Variants in BMPER observed in about 807,000 individuals in gnomAD.
BMPER encodes the protein BMP-binding endothelial regulator protein.
BMPER carries 45 observed loss-of-function variants against 87.3 expected under a neutral mutation model. The ratio of observed to expected loss-of-function variants is 0.52; its 90% confidence interval spans 0.41 to 0.66. The LOEUF is 0.66. Among genes scored for constraint, BMPER ranks in the 30% least tolerant of loss-of-function variants. The pLI is 0.00. For missense variants in BMPER, 784 were observed against 867.5 expected, an observed-to-expected ratio of 0.90 and a Z score of 1.21; for synonymous variants, 326 against 316.2, an observed-to-expected ratio of 1.03 and a Z score of -0.33.
rs1019720326 is a variant in BMPER, at chr7:34,153,840, A to G, written c.*567A>G. ...AGCGAGTGATAGGCTGTTAGAATGT[A>G]TTAGGTCATGGGCTAACATTATTTC... On this transcript the variant is annotated 3_prime_UTR_variant, in exon 15 of 15. Coordinates refer to ENST00000649409, the MANE Select transcript of BMPER (RefSeq NM_001365308.1). 6 of 159,716 alleles carry G rather than the reference A, an allele frequency of 3.8e-5. No homozygotes were observed. The highest frequency in any genetic ancestry group is 1.4e-4 in the African/African-American group (6 of 41,466). The allele number at this position is 159,716 out of a possible 1,614,324, so 9.9% of individuals were successfully genotyped here.
At chr7:34,053,396 T>C (rs983723654) in intron 8 of BMPER, among the ~76,000 whole-genome samples, 1 of 152,142 alleles carries the variant, frequency 6.6e-6, no homozygotes, top group Non-Finnish European at 1.5e-5. Flanking sequence ...ACCTGTTGAA[T>C]GTGATTTAAT....
chr7:34,015,375 C>A (rs896213021), intron 6 of BMPER, among the ~76,000 whole-genome samples: 1 of 151,832 alleles, frequency 6.6e-6, no homozygotes, highest in Admixed American at 6.6e-5. Flanking sequence ...TAACCTAATA[C>A]GAAGTAAAAT....
intron 13 of BMPER, among the ~76,000 whole-genome samples, chr7:34,122,162 T>C (rs1023105818): frequency 2.0e-5 from 3 of 152,062 alleles, no homozygotes; most frequent in Non-Finnish European, 4.4e-5. Flanking sequence ...TCTCAAAGCT[T>C]GTACACAAAG....
At chr7:33,925,420 G>C (rs923563454) in intron 2 of BMPER, among the ~76,000 whole-genome samples, 4 of 152,106 alleles carry the variant, frequency 2.6e-5, no homozygotes, top group African/African-American at 9.7e-5. Context: ...TGTCTCCAAT[G>C]AACACTAATG....
intron 4 of BMPER, among the ~76,000 whole-genome samples, chr7:33,968,747 A>G (rs1195483535): frequency 1.3e-5 from 2 of 152,220 alleles, no homozygotes; most frequent in African/African-American, 2.4e-5. Flanking sequence ...TTCCATTTGA[A>G]TTGAATTCTA....
At chr7:33,939,973 G>T in intron 3 of BMPER, 1 of 313,806 alleles carries the variant, frequency 3.2e-6, no homozygotes. Context: ...AGGGTTTTAA[G>T]GGACACAGTC....
chr7:33,930,604 C>T (rs1784459809), intron 2 of BMPER, among the ~76,000 whole-genome samples: 1 of 152,106 alleles, frequency 6.6e-6, no homozygotes, highest in Non-Finnish European at 1.5e-5. Context: ...CTAGAGAGGT[C>T]ATCACTTCAT....
chr7:33,921,257 GCGAA>G (rs1031007684), intron 2 of BMPER, among the ~76,000 whole-genome samples: 1 of 152,142 alleles, frequency 6.6e-6, no homozygotes, highest in African/African-American at 2.4e-5. Flanking sequence ...TAGCTATTTT[GCGAA>G]CAAACAGTGT....
intron 8 of BMPER, 120 bp downstream of exon 8, chr7:34,052,090 C>A (rs1788160468): frequency 1.1e-6 from 1 of 922,582 alleles, no homozygotes; most frequent in Non-Finnish European, 1.8e-6. Flanking sequence ...ATTAACAATG[C>A]CATTTTACAA....
At chr7:33,934,260 C>T (rs1784549787) in intron 2 of BMPER, among the ~76,000 whole-genome samples, 1 of 152,098 alleles carries the variant, frequency 6.6e-6, no homozygotes, top group Non-Finnish European at 1.5e-5. Flanking sequence ...TCTGTAGCTG[C>T]TGGACTCAAT....
chr7:33,984,336 C>T (rs781563266), intron 6 of BMPER, among the ~76,000 whole-genome samples: 11 of 151,830 alleles, frequency 7.2e-5, no homozygotes, highest in Non-Finnish European at 1.0e-4. Context: ...CATGGTGGTG[C>T]GTGCCTGTAA....
chr7:34,110,398 C>T (rs190617223), intron 13 of BMPER, among the ~76,000 whole-genome samples: 6 of 152,236 alleles, frequency 3.9e-5, no homozygotes, highest in South Asian at 2.1e-4. Context: ...CACAGGTTAG[C>T]GTTTGCTTCC....
intron 13 of BMPER, among the ~76,000 whole-genome samples, chr7:34,100,540 C>G (rs568449232): frequency 6.6e-6 from 1 of 152,322 alleles, no homozygotes; most frequent in South Asian, 2.1e-4. Flanking sequence ...CTGTGTGCTT[C>G]CTGTGCTGTA....
intron 11 of BMPER, among the ~76,000 whole-genome samples, chr7:34,068,383 T>C (rs762720335): frequency 9.9e-5 from 15 of 152,214 alleles, no homozygotes; most frequent in African/African-American, 9.7e-5. Context: ...TCTGGAGGGC[T>C]TTACAACTTG....
chr7:34,036,762 A>G (rs934740002), intron 6 of BMPER, among the ~76,000 whole-genome samples: 2 of 152,228 alleles, frequency 1.3e-5, no homozygotes, highest in Non-Finnish European at 1.5e-5. Flanking sequence ...GTGGACACCC[A>G]GAACCAGTTG....
chr7:34,067,053 G>A (rs564098568), intron 11 of BMPER, among the ~76,000 whole-genome samples: 58 of 152,320 alleles, frequency 3.8e-4, no homozygotes, highest in Middle Eastern at 3.4e-3. Context: ...TAACACTGAG[G>A]CTGATTGAAT....
chr7:34,005,180 G>A (rs1209128604), intron 6 of BMPER, among the ~76,000 whole-genome samples: 3 of 152,020 alleles, frequency 2.0e-5, no homozygotes, highest in African/African-American at 7.2e-5. Context: ...CAGTACCCTG[G>A]GGATGGGACT....
intron 13 of BMPER, among the ~76,000 whole-genome samples, chr7:34,090,576 G>A (rs888514800): frequency 3.9e-5 from 6 of 152,172 alleles, no homozygotes; most frequent in Admixed American, 1.3e-4. Context: ...GGGGCACAAC[G>A]AGAGGCCAGG....
chr7:34,081,914 A>G (rs986282224), intron 12 of BMPER, among the ~76,000 whole-genome samples: 2 of 152,200 alleles, frequency 1.3e-5, no homozygotes, highest in Non-Finnish European at 2.9e-5. Context: ...GACAACAGCA[A>G]AAGCAACAAT....
Sources: allele counts gnomAD v4.1 joint callset (sites outside exome capture counted in the v4.1 genomes callset), GRCh38; gene constraint gnomAD v4.1.1; transcripts MANE v1.5; gene names NCBI Gene and HGNC (gene_info 2026-07-23, HGNC 2026-07-21).